ACSS3: variants seen among roughly 807,000 people sequenced by gnomAD.
ACSS3 encodes the protein acyl-CoA synthetase short chain family member 3, also known as acyl-CoA synthetase short-chain family member 3, mitochondrial.
In ACSS3, 64 loss-of-function variants were observed where a neutral mutation model predicts 84.2. The observed-to-expected ratio is 0.76, with a 90% CI of 0.62 to 0.94. The LOEUF is 0.94. Among genes scored for constraint, ACSS3 ranks in the 40% least tolerant of loss-of-function variants. ACSS3 has a pLI of 0.00. For missense variants in ACSS3, 815 were observed against 867.6 expected (o/e 0.94, Z 0.76); for synonymous variants, 317 against 310.1 (o/e 1.02, Z -0.23).
In ACSS3 at chr12:81,191,475, C is replaced by T. The variant is rs577015118; in HGVS notation, c.1251-7866C>T. On this transcript the variant is annotated intron_variant, in intron 8 of 15. Transcript: ENST00000548058. ...AAATGGGCATGGAAGTCTTTTTCCC[C>T]GCTATTATCTAGAAGATTTTATGTA... Among the ~76,000 whole-genome samples the T allele has an allele frequency of 5.9e-5, 9 of 152,056 alleles. No individual in the cohort carries two copies. In the South Asian group the frequency reaches 8.3e-4, roughly 14 times the overall value.
chr12:81,232,168 T>C (rs1223576175), intron 12 of ACSS3, among the ~76,000 whole-genome samples: 4 of 151,808 alleles, frequency 2.6e-5, no homozygotes, highest in African/African-American at 7.2e-5. Flanking sequence ...TCTATCTGCA[T>C]GATGGGCCAC....
chr12:81,111,617 G>A (rs1161002682), intron 2 of ACSS3, among the ~76,000 whole-genome samples: 4 of 152,170 alleles, frequency 2.6e-5, no homozygotes, highest in Non-Finnish European at 5.9e-5. Flanking sequence ...GTGTGGATTG[G>A]CCACTCCTGG....
chr12:81,098,365 C>G (rs1246266051), intron 1 of ACSS3, among the ~76,000 whole-genome samples: 1 of 152,064 alleles, frequency 6.6e-6, no homozygotes, highest in Non-Finnish European at 1.5e-5. Flanking sequence ...TCAGTGTTTA[C>G]TATTAGAAGT....
intron 9 of ACSS3, among the ~76,000 whole-genome samples, chr12:81,208,469 GCC>G (rs138370525): frequency 0.023 from 3,557 of 151,930 alleles, 134 homozygotes; most frequent in African/African-American, 0.081. Flanking sequence ...TCTTGCTTTT[GCC>G]CCGTATCCAG....
chr12:81,196,713 C>T (rs181655680), intron 8 of ACSS3, among the ~76,000 whole-genome samples: 9 of 152,176 alleles, frequency 5.9e-5, no homozygotes, highest in African/African-American at 1.9e-4. Context: ...TGCCCTCAGA[C>T]AGCCTACAAT....
intron 9 of ACSS3, among the ~76,000 whole-genome samples, chr12:81,208,089 A>G (rs1398646905): frequency 3.9e-5 from 6 of 152,118 alleles, no homozygotes; most frequent in Non-Finnish European, 8.8e-5. Flanking sequence ...TCTTTCTGCT[A>G]CCTATTCAAG....
intron 2 of ACSS3, 55 bp downstream of exon 2, chr12:81,109,759 A>G (rs1202862297): frequency 1.5e-6 from 2 of 1,357,644 alleles, no homozygotes; most frequent in Non-Finnish European, 2.0e-6. Flanking sequence ...AATTACTTAA[A>G]TAGCATACAT....
At chr12:81,149,226 T>A (rs1886495585) in intron 5 of ACSS3, among the ~76,000 whole-genome samples, 1 of 152,210 alleles carries the variant, frequency 6.6e-6, no homozygotes, top group Non-Finnish European at 1.5e-5. Context: ...AAGTGCTATT[T>A]TTAGTTTACA....
rs559609574 is a variant in ACSS3, at chr12:81,141,603, T to C, written c.781-1504T>C. 7.9e-5 allele frequency among the ~76,000 whole-genome samples: 12 copies of C among 152,360 alleles called. 1 individual carries two copies. Among genetic ancestry groups the C allele is most frequent in the African/African-American group, 2.9e-4 (12 of 41,594 alleles). On this transcript the variant is annotated intron_variant, in intron 4 of 15. Transcript: ENST00000548058. The stretch of plus-strand genomic sequence containing the variant: ...TCTCCTTTGCACATACCTCTGTTTC[T>C]TAGCCTGAAGAATAACCATTTATTG...
At chr12:81,144,903 CT>C (rs1292727483) in intron 5 of ACSS3, among the ~76,000 whole-genome samples, 22 of 116,954 alleles carry the variant, frequency 1.9e-4, no homozygotes, top group African/African-American at 3.6e-4. Flanking sequence ...TTTTTCTTTT[CT>C]TTTTTTTTTT....
rs547430618 is a variant in ACSS3, at chr12:81,251,790, C to T, written c.1720-1517C>T. On this transcript the variant is annotated intron_variant, in intron 13 of 15. Coordinates refer to ENST00000548058, the MANE Select transcript of ACSS3 (RefSeq NM_024560.4). ...CCTGGGAGATTGAGGTTGCAGTGAT[C>T]TATGAACATGCCAGCGCACTCCAGC... Among the ~76,000 whole-genome samples the T allele has an allele frequency of 3.2e-4, 48 of 152,112 alleles. 1 individual carries two copies. The highest frequency in any genetic ancestry group is 2.9e-3 in the Admixed American group (45 of 15,264).
chr12:81,242,723 T>G (rs1239151060), intron 13 of ACSS3, among the ~76,000 whole-genome samples: 1 of 130,302 alleles, frequency 7.7e-6, no homozygotes, highest in East Asian at 2.0e-4. Flanking sequence ...TCAATAAATG[T>G]AATCCAGCAT....
rs1565979192 is a variant in ACSS3, at chr12:81,107,552, A to ATATATG, written c.312-2003_312-2002insGTATAT. Among the ~76,000 whole-genome samples the ATATATG allele has an allele frequency of 3.9e-5, 4 of 103,374 alleles. No homozygotes were observed. In the East Asian group the frequency reaches 8.2e-4, roughly 21 times the overall value. The allele number at this position is 103,374 out of a possible 152,430, so 67.8% of individuals were successfully genotyped here. On this transcript the variant is annotated intron_variant, in intron 1 of 15. Transcript: ENST00000548058. ...TATATATATATATATATATATATATATATATATAAATGTTTTTGTGGGAAA... is the reference window on the plus strand; with the variant it reads ...TATATATATATATATATATATATATATATATGTATATATAAATGTTTTTGTGGGAAA...
intron 7 of ACSS3, among the ~76,000 whole-genome samples, chr12:81,165,477 C>T (rs948055566): frequency 3.9e-5 from 6 of 152,018 alleles, no homozygotes; most frequent in African/African-American, 1.4e-4. Context: ...AACCCCGTCT[C>T]TACTAAAAAT....
chr12:81,220,047 G>T lies in ACSS3; in HGVS notation c.1485G>T (p.Lys495Asn), dbSNP rs765502552. 1.3e-6 allele frequency: 2 copies of T among 1,542,076 alleles called. No homozygotes were observed. The highest frequency in any genetic ancestry group is 1.7e-6 in the Non-Finnish European group (2 of 1,144,076). ...MILDDNMQKL[K>N]ARCLGNIVVK... ...TGGATGACAACATGCAAAAACTGAA[G>T]GCTCGGTGTTTAGGAAATATTGTGG... Residue 495 changes from lysine to asparagine, a missense_variant, in exon 11 of 16, where the codon AAG becomes AAT. Lys to Asn is a moderately conservative substitution (Grantham distance 94, BLOSUM62 0). Coordinates refer to ENST00000548058, the MANE Select transcript of ACSS3 (RefSeq NM_024560.4).
At chr12:81,139,066 A>T (rs1279443187) in intron 3 of ACSS3, 65 bp from the exon 4 acceptor site, 1 of 1,525,014 alleles carries the variant, frequency 6.6e-7, no homozygotes, top group East Asian at 2.3e-5. Flanking sequence ...TCTGCAACTA[A>T]AATATTGTGA....
In ACSS3 at chr12:81,231,090, C is replaced by T. The variant is rs748655179; in HGVS notation, c.1548C>T (p.Leu516=). The T allele has an allele frequency of 6.2e-7, 1 of 1,610,886 alleles. No homozygotes were observed. The highest frequency in any genetic ancestry group is 8.5e-7 in the Non-Finnish European group (1 of 1,178,194). ...LPLPPGAFSG[L]WKNQEAFKHL... ...TGCCACCTGGGGCTTTTTCAGGACT[C>T]TGGAAGAATCAGGAAGCATTCAAGC... The change falls in exon 12 of 16, where the codon CTC becomes CTT. Residue 516 remains leucine, a synonymous_variant. Coordinates refer to ENST00000548058, the MANE Select transcript of ACSS3 (RefSeq NM_024560.4).
intron 15 of ACSS3, among the ~76,000 whole-genome samples, chr12:81,254,152 A>C (rs144489565): frequency 4.6e-5 from 7 of 152,198 alleles, no homozygotes; most frequent in African/African-American, 1.4e-4. Flanking sequence ...GTGGTCTTGA[A>C]TTCCTGGGCT....
At chr12:81,182,324 T>G (rs767176621) in intron 8 of ACSS3, among the ~76,000 whole-genome samples, 1 of 152,170 alleles carries the variant, frequency 6.6e-6, no homozygotes, top group African/African-American at 2.4e-5. Flanking sequence ...ATAAATAAAG[T>G]GTTTCAAAAA....
Sources: gnomAD v4.1 joint callset for allele counts (sites outside exome capture counted in the v4.1 genomes callset) on GRCh38, gnomAD v4.1.1 for gene constraint, MANE v1.5 for transcripts, NCBI Gene and HGNC (gene_info 2026-07-23, HGNC 2026-07-21) for gene names.